FEM1B: variants seen among roughly 807,000 people sequenced by gnomAD.
FEM1B encodes the protein protein fem-1 homolog B.
A neutral mutation model predicts 38.6 loss-of-function variants in FEM1B; 10 were observed. The ratio of observed to expected loss-of-function variants is 0.26; its 90% CI spans 0.16 to 0.44. FEM1B has a LOEUF of 0.44. FEM1B is among the 20% of genes least tolerant of loss of function. The pLI, the probability that FEM1B is intolerant of heterozygous loss-of-function variation, is 1.00. For missense variants in FEM1B, 471 were observed against 786.7 expected (o/e 0.60, Z 4.80); for synonymous variants, 288 against 288.0 (o/e 1.00, Z 0.00).
chr15:68,292,810 T>C lies in FEM1B; in HGVS notation c.*1568T>C, dbSNP rs1892861557. 1 of 152,116 alleles carries C rather than the reference T, an allele frequency of 6.6e-6. No individual in the cohort carries two copies. Among genetic ancestry groups the C allele is most frequent in the African/African-American group, 2.4e-5 (1 of 41,430 alleles). 9.4% of individuals were successfully genotyped at this position (152,116 alleles called of 1,614,324 possible). On this transcript the variant is annotated 3_prime_UTR_variant, in exon 2 of 2. Transcript: ENST00000306917. ...AATGACCAAGCCAAAATCAGCACCC[T>C]AGGGCCTTAAATAAAATAGAGATAC...
At position 68,289,480 on chromosome 15, in the gene FEM1B, C is replaced by T; in HGVS notation, c.249-127C>T. The T allele has an allele frequency of 6.0e-6, 4 of 666,490 alleles. No homozygotes were observed. The highest frequency in any genetic ancestry group is 3.9e-5 in the South Asian group (2 of 51,616). The allele number at this position is 666,490 out of a possible 1,614,324, so 41.3% of individuals were successfully genotyped here. On this transcript the variant is annotated intron_variant, in intron 1 of 1. Transcript: ENST00000306917. This position sits in a 1 kb window ranked among gnomAD's most constrained non-coding sequence, Gnocchi z 6.9. ...TCCTTAAATTACCTGTTTTTATTTTCATGAGAACTGATGTTTTATTAATGT... is the reference window on the plus strand; with the variant it reads ...TCCTTAAATTACCTGTTTTTATTTTTATGAGAACTGATGTTTTATTAATGT...
At chr15:68,283,498 T>C (rs1353027395) in intron 1 of FEM1B, among the ~76,000 whole-genome samples, 1 of 101,302 alleles carries the variant, frequency 9.9e-6, no homozygotes, top group Non-Finnish European at 1.8e-5. Flanking sequence ...ACCTCATCTC[T>C]ACCTAAAAAA....
chr15:68,294,866 T>C lies in FEM1B; in HGVS notation c.*3624T>C, dbSNP rs1267432942. On this transcript the variant is annotated 3_prime_UTR_variant, in exon 2 of 2. Transcript: ENST00000306917. The surrounding 1 kb of genome is among the most constrained non-coding windows in gnomAD (Gnocchi z 4.4). ...ACTCTGCCTTTTGTGCTATGAAATA[T>C]TTTTAGTCCAGAGGTTTTAAGCTGT... The C allele has an allele frequency of 6.6e-6, 1 of 152,176 alleles. No individual in the cohort carries two copies. The highest frequency in any genetic ancestry group is 1.5e-5 in the Non-Finnish European group (1 of 68,026). 9.4% of individuals were successfully genotyped at this position (152,176 alleles called of 1,614,324 possible).
rs143176785 is a variant in FEM1B at position 68,279,760 on chromosome 15, TC to T, written c.248+1096del. 1.4e-4 allele frequency among the ~76,000 whole-genome samples: 21 copies of T among 152,360 alleles called. No individual in the cohort carries two copies. The East Asian group carries it at 4.0e-3, about 29-fold the overall frequency. On this transcript the variant is annotated intron_variant, in intron 1 of 1. Coordinates refer to ENST00000306917, the MANE Select transcript of FEM1B (RefSeq NM_015322.5). ...TTAGGTTTAAACAATAAAAGCTTTT[TC>T]TTCTATTTTAGATGAGTGGAAAATA...
At position 68,284,010 on chromosome 15, in the gene FEM1B, C is replaced by A. The variant is rs546071077; in HGVS notation, c.248+5345C>A. Among the ~76,000 whole-genome samples, 1 of 151,794 alleles carries A rather than the reference C, an allele frequency of 6.6e-6. No homozygotes were observed. Among genetic ancestry groups the A allele is most frequent in the Non-Finnish European group, 1.5e-5 (1 of 67,978 alleles). ...AAGCAATTCTTCTGCCTCAGCCTCC[C>A]GAGTAGCTGGGATTACAGACATGCG... On this transcript the variant is annotated intron_variant, in intron 1 of 1. Transcript: ENST00000306917. The surrounding 1 kb of genome is among the most constrained non-coding windows in gnomAD (Gnocchi z 4.4).
chr15:68,283,671 T>TCAAAA (rs769480659), intron 1 of FEM1B, among the ~76,000 whole-genome samples: 5 of 152,190 alleles, frequency 3.3e-5, no homozygotes, highest in South Asian at 4.1e-4. Flanking sequence ...AGACCCTGTT[T>TCAAAA]CAAAACAAAA....
Position 68,278,783 on chromosome 15 carries a change from T to C in FEM1B, c.248+118T>C, listed in dbSNP as rs1892693160. The C allele has an allele frequency of 1.7e-6, 2 of 1,160,372 alleles. No homozygotes were observed. Among genetic ancestry groups the C allele is most frequent in the Admixed American group, 2.0e-5 (1 of 48,808 alleles). 71.9% of individuals were successfully genotyped at this position (1,160,372 alleles called of 1,614,324 possible). On this transcript the variant is annotated intron_variant, in intron 1 of 1. Coordinates refer to ENST00000306917, the MANE Select transcript of FEM1B (RefSeq NM_015322.5). The surrounding 1 kb of genome is among the most constrained non-coding windows in gnomAD (Gnocchi z 5.7). Reference sequence around the variant, plus strand: ...ATGTAGGTACTCACTTCTCCCCTTTTTGTACCACCTCCTGCCCCACTAATG... The same window carrying C: ...ATGTAGGTACTCACTTCTCCCCTTTCTGTACCACCTCCTGCCCCACTAATG...
rs751824133 is a variant in FEM1B, at chr15:68,289,554, A to T, written c.249-53A>T. 2.2e-6 allele frequency: 3 copies of T among 1,354,506 alleles called. No homozygotes were observed. Among genetic ancestry groups the T allele is most frequent in the Non-Finnish European group, 3.1e-6 (3 of 956,886 alleles). The allele number at this position is 1,354,506 out of a possible 1,614,324, so 83.9% of individuals were successfully genotyped here. ...GTGGGAGTGAATACATCCCTTAAAC[A>T]TATGTTAGGCTGTGGCCTCTGTTAT... On this transcript the variant is annotated intron_variant, in intron 1 of 1. Coordinates refer to ENST00000306917, the MANE Select transcript of FEM1B (RefSeq NM_015322.5). This position sits in a 1 kb window ranked among gnomAD's most constrained non-coding sequence, Gnocchi z 6.9.
At position 68,290,969 on chromosome 15, in the gene FEM1B, T is replaced by C. The variant is rs745995263; in HGVS notation, c.1611T>C (p.His537=). 4 of 1,614,202 alleles carry C rather than the reference T, an allele frequency of 2.5e-6. No individual in the cohort carries two copies. The highest frequency in any genetic ancestry group is 1.3e-5 in the African/African-American group (1 of 75,034). Residue 537 remains histidine, a synonymous_variant, in exon 2 of 2, where the codon CAT becomes CAC. Coordinates refer to ENST00000306917, the MANE Select transcript of FEM1B (RefSeq NM_015322.5). The surrounding 1 kb of genome is among the most constrained non-coding windows in gnomAD (Gnocchi z 9.7). ...ACAATGAGGGAAACAGTGCCCTTCATATTATCGTTCAGTACAACAGGCCCA... is the reference window on the plus strand; with the variant it reads ...ACAATGAGGGAAACAGTGCCCTTCACATTATCGTTCAGTACAACAGGCCCA... The part of the protein sequence containing the change: ...AVDNEGNSAL[H]IIVQYNRPIS...
rs1017044917 is a variant in FEM1B, at chr15:68,278,749, CCT to C, written c.248+89_248+90del. ...CCTCCCCTCCCTCACCCTCTCTTACCCTCTCTTCATGTAGGTACTCACTTCTC... is the reference window on the plus strand; with the variant it reads ...CCTCCCCTCCCTCACCCTCTCTTACCCTCTTCATGTAGGTACTCACTTCTC... On this transcript the variant is annotated intron_variant, in intron 1 of 1. Transcript: ENST00000306917. This position sits in a 1 kb window ranked among gnomAD's most constrained non-coding sequence, Gnocchi z 5.7. The C allele has an allele frequency of 6.6e-7, 1 of 1,514,902 alleles. No homozygotes were observed. Among genetic ancestry groups the C allele is most frequent in the South Asian group, 1.2e-5 (1 of 85,052 alleles). The allele number at this position is 1,514,902 out of a possible 1,614,324, so 93.8% of individuals were successfully genotyped here.
At chr15:68,287,749 G>T (rs1892804665) in intron 1 of FEM1B, among the ~76,000 whole-genome samples, 1 of 151,850 alleles carries the variant, frequency 6.6e-6, no homozygotes, top group African/African-American at 2.4e-5. Flanking sequence ...GGTGAGGGCC[G>T]CATCCTCCAG....
rs771625699 is a variant in FEM1B at position 68,278,701 on chromosome 15, C to A, written c.248+36C>A. ...CCCAAGCCAGCCTCTCTCCGACGCG[C>A]GCGGACTCGTTAATTCACGGGCCCT... is the stretch of plus-strand genomic sequence containing the variant. On this transcript the variant is annotated intron_variant, in intron 1 of 1. Transcript: ENST00000306917. This position sits in a 1 kb window ranked among gnomAD's most constrained non-coding sequence, Gnocchi z 5.7. The A allele has an allele frequency of 2.5e-6, 4 of 1,609,708 alleles. No homozygotes were observed. In the South Asian group the frequency reaches 4.4e-5, roughly 18 times the overall value.
chr15:68,283,826 T>A lies in FEM1B; in HGVS notation c.248+5161T>A, dbSNP rs552874326. 1.1e-4 allele frequency among the ~76,000 whole-genome samples: 17 copies of A among 152,288 alleles called. No individual in the cohort carries two copies. In the South Asian group the frequency reaches 3.5e-3, roughly 32 times the overall value. Reference sequence around the variant, plus strand: ...GAACAATGATGTGTACTATGTTTCCTTACGTTTGATGCATTTTATGGTATT... The same window carrying A: ...GAACAATGATGTGTACTATGTTTCCATACGTTTGATGCATTTTATGGTATT... On this transcript the variant is annotated intron_variant, in intron 1 of 1. Transcript: ENST00000306917.
chr15:68,290,286 A>C lies in FEM1B; in HGVS notation c.928A>C (p.Asn310His). The change falls in exon 2 of 2, where the codon AAT becomes CAT. Residue 310 changes from asparagine (N) to histidine (H), a missense_variant. Around this residue, in one of 3 missense-constraint regions of FEM1B, gnomAD observed 380 missense variants for 599.6 expected, o/e 0.63. Coordinates refer to ENST00000306917, the MANE Select transcript of FEM1B (RefSeq NM_015322.5). This position sits in a 1 kb window ranked among gnomAD's most constrained non-coding sequence, Gnocchi z 9.7. ...HAYGNRTECRNPQELESIRQD... is the reference protein window; with the variant it reads ...HAYGNRTECRHPQELESIRQD... ...TTATGGGAATAGAACTGAATGTAGA[A>C]ATCCTCAGGAACTGGAGTCCATTCG... is the stretch of plus-strand genomic sequence containing the variant. 2.5e-6 allele frequency: 4 copies of C among 1,614,146 alleles called. No individual in the cohort carries two copies. Among genetic ancestry groups the C allele is most frequent in the Non-Finnish European group, 3.4e-6 (4 of 1,180,012 alleles).
Position 68,290,317 on chromosome 15 carries a change from A to T in FEM1B, c.959A>T (p.Asp320Val). ...NPQELESIRQDRDALHMEGLI... is the reference protein window; with the variant it reads ...NPQELESIRQVRDALHMEGLI... ...CAGGAACTGGAGTCCATTCGGCAAG[A>T]CAGAGATGCTCTTCATATGGAAGGC... The change falls in exon 2 of 2, where the codon GAC becomes GTC. Residue 320 changes from aspartate (D) to valine (V), a missense_variant. This residue lies in a region of FEM1B where 380 missense variants were observed against 599.6 expected (regional missense o/e 0.63). Transcript: ENST00000306917. The surrounding 1 kb of genome is among the most constrained non-coding windows in gnomAD (Gnocchi z 9.7). The T allele has an allele frequency of 6.2e-7, 1 of 1,614,178 alleles. No homozygotes were observed. The highest frequency in any genetic ancestry group is 8.5e-7 in the Non-Finnish European group (1 of 1,180,018).
At position 68,284,085 on chromosome 15, in the gene FEM1B, G is replaced by A. The variant is rs977383635; in HGVS notation, c.248+5420G>A. On this transcript the variant is annotated intron_variant, in intron 1 of 1. Coordinates refer to ENST00000306917, the MANE Select transcript of FEM1B (RefSeq NM_015322.5). The surrounding 1 kb of genome is among the most constrained non-coding windows in gnomAD (Gnocchi z 4.4). The stretch of plus-strand genomic sequence containing the variant: ...TTTTTAGTAGAGATGGGGTTTTTCC[G>A]TGTTGGTCAGGCTGGTCTTGAACTA... Among the ~76,000 whole-genome samples, 4 of 151,918 alleles carry A rather than the reference G, an allele frequency of 2.6e-5. No homozygotes were observed. Among genetic ancestry groups the A allele is most frequent in the South Asian group, 2.1e-4 (1 of 4,822 alleles).
rs1009171791 is a variant in FEM1B at position 68,280,481 on chromosome 15, G to C, written c.248+1816G>C. Among the ~76,000 whole-genome samples, 1 of 152,180 alleles carries C rather than the reference G, an allele frequency of 6.6e-6. No homozygotes were observed. Among genetic ancestry groups the C allele is most frequent in the Non-Finnish European group, 1.5e-5 (1 of 68,040 alleles). On this transcript the variant is annotated intron_variant, in intron 1 of 1. Coordinates refer to ENST00000306917, the MANE Select transcript of FEM1B (RefSeq NM_015322.5). The surrounding 1 kb of genome is among the most constrained non-coding windows in gnomAD (Gnocchi z 4.2). The stretch of plus-strand genomic sequence containing the variant: ...CATTTAGGGTTGTAGAAATCATTTG[G>C]ACTACTGAGAGAAAACAGGGAAAGG...
Position 68,295,550 on chromosome 15 carries a change from C to A in FEM1B, c.*4308C>A, listed in dbSNP as rs138661188. On this transcript the variant is annotated 3_prime_UTR_variant, in exon 2 of 2. Transcript: ENST00000306917. Reference sequence around the variant, plus strand: ...CTTTTCACCCCATCCTGCAATCCTCCGTGCAGAGGAACTACACTGTTGTAT... The same window carrying A: ...CTTTTCACCCCATCCTGCAATCCTCAGTGCAGAGGAACTACACTGTTGTAT... 2 of 152,148 alleles carry A rather than the reference C, an allele frequency of 1.3e-5. No homozygotes were observed. The highest frequency in any genetic ancestry group is 4.8e-5 in the African/African-American group (2 of 41,420). 9.4% of individuals were successfully genotyped at this position (152,148 alleles called of 1,614,324 possible).
chr15:68,293,993 C>T lies in FEM1B; in HGVS notation c.*2751C>T, dbSNP rs1448545027. ...TCAACCAAAACTTCTCTGTCCTGTT[C>T]AGTAATTGTTATATAAATCTGGATG... On this transcript the variant is annotated 3_prime_UTR_variant, in exon 2 of 2. Coordinates refer to ENST00000306917, the MANE Select transcript of FEM1B (RefSeq NM_015322.5). This position sits in a 1 kb window ranked among gnomAD's most constrained non-coding sequence, Gnocchi z 5.8. 1.3e-5 allele frequency: 2 copies of T among 152,044 alleles called. No homozygotes were observed. The highest frequency in any genetic ancestry group is 2.9e-5 in the Non-Finnish European group (2 of 68,012). The allele number at this position is 152,044 out of a possible 1,614,324, so 9.4% of individuals were successfully genotyped here.
Sources: gnomAD v4.1 joint callset for allele counts (sites outside exome capture counted in the v4.1 genomes callset) on GRCh38, gnomAD v4.1.1 for gene constraint, gnomAD v4.1.1 regional missense constraint, Gnocchi (gnomAD v3.1) non-coding constraint, MANE v1.5 for transcripts, NCBI Gene and HGNC (gene_info 2026-07-23, HGNC 2026-07-21) for gene names.